Variants in PPARGC1A observed in about 807,000 individuals in gnomAD.
PPARGC1A encodes PPARG coactivator 1 alpha.
Under a neutral mutation model 88.7 loss-of-function variants are expected in PPARGC1A, and 25 were observed. The observed-to-expected ratio is 0.28, with a 90% CI of 0.21 to 0.39. The LOEUF (loss-of-function observed/expected upper bound fraction) is 0.39, where lower values mean the gene tolerates loss of function less well. Among genes scored for constraint, PPARGC1A ranks in the 10% least tolerant of loss-of-function variants. The pLI is 1.00. For missense variants in PPARGC1A, 880 were observed against 968.7 expected (o/e 0.91, Z 1.22); for synonymous variants, 363 against 355.6 (o/e 1.02, Z -0.24).
chr4:23,995,255 A>G, the PPARGC1A span, among the ~76,000 whole-genome samples: 1 of 152,172 alleles, frequency 6.6e-6, no homozygotes, highest in African/African-American at 2.4e-5. Context: ...GACTCCCTGA[A>G]AAAGAGAAAC....
At chr4:24,409,494 G>A in the PPARGC1A span, among the ~76,000 whole-genome samples, 9 of 152,116 alleles carry the variant, frequency 5.9e-5, no homozygotes, top group Non-Finnish European at 5.9e-5. Context: ...AGTGTACACC[G>A]GAAAGTGCTA....
the PPARGC1A span, among the ~76,000 whole-genome samples, chr4:24,284,019 C>T: frequency 6.6e-6 from 1 of 151,830 alleles, no homozygotes; most frequent in African/African-American, 2.4e-5. Context: ...GTGGCTCATG[C>T]CTGTAATCCC....
the PPARGC1A span, among the ~76,000 whole-genome samples, chr4:24,037,325 T>C: frequency 6.6e-6 from 1 of 152,216 alleles, no homozygotes; most frequent in African/African-American, 2.4e-5. Context: ...ATTCATTTGA[T>C]CTTTAACTTT....
intron 2 of PPARGC1A, among the ~76,000 whole-genome samples, chr4:23,853,675 C>T (rs1729704597): frequency 6.6e-6 from 1 of 152,272 alleles, no homozygotes; most frequent in Middle Eastern, 3.4e-3. Flanking sequence ...TAACAACTGC[C>T]TTATATCTCC....
chr4:24,137,448 C>T, the PPARGC1A span, among the ~76,000 whole-genome samples: 10 of 152,140 alleles, frequency 6.6e-5, no homozygotes, highest in African/African-American at 1.9e-4. Flanking sequence ...CAATCAGATA[C>T]GATAGATACT....
chr4:24,349,264 T>C, the PPARGC1A span, among the ~76,000 whole-genome samples: 5 of 152,178 alleles, frequency 3.3e-5, no homozygotes, highest in African/African-American at 9.7e-5. Context: ...TCTATTTTTG[T>C]GCTGGTTGGC....
chr4:24,026,164 T>C, the PPARGC1A span, among the ~76,000 whole-genome samples: 50,368 of 152,040 alleles, frequency 0.33, 8,995 homozygotes, highest in Non-Finnish European at 0.41. Flanking sequence ...TAACAATTAG[T>C]TGATGCTGAA....
At chr4:23,940,212 G>A in the PPARGC1A span, among the ~76,000 whole-genome samples, 9 of 152,014 alleles carry the variant, frequency 5.9e-5, no homozygotes, top group Non-Finnish European at 8.8e-5. Context: ...CTGTTTCATC[G>A]ACAGACATGA....
the PPARGC1A span, among the ~76,000 whole-genome samples, chr4:23,915,515 T>C: frequency 5.0e-3 from 763 of 152,360 alleles, 37 homozygotes; most frequent in East Asian, 0.1. Flanking sequence ...CTTCATAGCA[T>C]TTATCAGTTT....
chr4:23,943,546 T>C, the PPARGC1A span, among the ~76,000 whole-genome samples: 1 of 152,180 alleles, frequency 6.6e-6, no homozygotes, highest in Non-Finnish European at 1.5e-5. Context: ...GATCTATCAA[T>C]AGGTAATTGG....
chr4:23,979,540 C>T, the PPARGC1A span, among the ~76,000 whole-genome samples: 5 of 152,148 alleles, frequency 3.3e-5, no homozygotes, highest in South Asian at 1.0e-3. Flanking sequence ...AGTTAATAAG[C>T]AACAATCCAA....
intron 2 of PPARGC1A, among the ~76,000 whole-genome samples, chr4:23,857,141 A>T (rs966728215): frequency 1.3e-5 from 2 of 151,972 alleles, no homozygotes; most frequent in African/African-American, 2.4e-5. Context: ...AGGTAATGTA[A>T]CAGGTCTCTC....
the PPARGC1A span, among the ~76,000 whole-genome samples, chr4:23,974,799 A>ATTTTTTTT: frequency 3.9e-3 from 236 of 61,106 alleles, 4 homozygotes; most frequent in Middle Eastern, 0.018. Context: ...GGCCCGGCTA[A>ATTTTTTTT]TTTTTTTTTT....
chr4:24,146,566 G>C, the PPARGC1A span, among the ~76,000 whole-genome samples: 1 of 152,236 alleles, frequency 6.6e-6, no homozygotes, highest in Non-Finnish European at 1.5e-5. Flanking sequence ...GATCCTAATA[G>C]GAGGCATATA....
At chr4:24,074,522 A>G in the PPARGC1A span, among the ~76,000 whole-genome samples, 5 of 152,178 alleles carry the variant, frequency 3.3e-5, no homozygotes, top group African/African-American at 1.2e-4. Context: ...TGTCCAACAT[A>G]ATGATTTGAC....
At chr4:24,278,305 T>C in the PPARGC1A span, among the ~76,000 whole-genome samples, 53 of 152,092 alleles carry the variant, frequency 3.5e-4, 1 homozygote, top group Non-Finnish European at 1.5e-4. Flanking sequence ...GTTCAAGGGG[T>C]GTTATAAGCA....
At chr4:24,149,511 C>A in the PPARGC1A span, among the ~76,000 whole-genome samples, 1 of 152,106 alleles carries the variant, frequency 6.6e-6, no homozygotes, top group East Asian at 1.9e-4. Context: ...GTTTTTATTA[C>A]TAATTTACTT....
At chr4:24,030,383 T>C in the PPARGC1A span, among the ~76,000 whole-genome samples, 144,286 of 152,314 alleles carry the variant, frequency 0.95, 68,416 homozygotes, top group African/African-American at 0.98. Context: ...ATGGCTGATG[T>C]CAATAGTCTG....
the PPARGC1A span, among the ~76,000 whole-genome samples, chr4:24,168,697 C>T: frequency 2.2e-4 from 33 of 152,030 alleles, no homozygotes; most frequent in African/African-American, 7.2e-4. Flanking sequence ...GGGACCTAGC[C>T]ACCAACTGAA....
Sources: gnomAD v4.1 joint callset for allele counts (sites outside exome capture counted in the v4.1 genomes callset) on GRCh38, gnomAD v4.1.1 for gene constraint, MANE v1.5 for transcripts, NCBI Gene and HGNC (gene_info 2026-07-23, HGNC 2026-07-21) for gene names.